Variants in DMRT1 observed in about 807,000 individuals in gnomAD.
DMRT1 encodes the protein doublesex- and mab-3-related transcription factor 1.
In DMRT1, 7 loss-of-function variants were observed where a neutral mutation model predicts 32.3. The ratio of observed to expected loss-of-function variants is 0.22; its 90% confidence interval spans 0.12 to 0.41. DMRT1 has a LOEUF of 0.41. Ranked by LOEUF, DMRT1 falls within the 10% of genes least tolerant of loss-of-function variation. DMRT1 has a pLI of 1.00. For synonymous variants in DMRT1, 278 were observed against 206.1 expected, an observed-to-expected ratio of 1.35 and a Z score of -2.99; for missense variants, 625 against 500.5, an observed-to-expected ratio of 1.25 and a Z score of -2.37.
intron 2 of DMRT1, among the ~76,000 whole-genome samples, chr9:874,067 T>A (rs904949848): frequency 6.6e-6 from 1 of 152,222 alleles, no homozygotes; most frequent in African/African-American, 2.4e-5. Context: ...ATTTAAAATG[T>A]AGTCCTTTTG....
In DMRT1 at chr9:844,457, G is replaced by A. The variant is rs184619460; in HGVS notation, c.354+2265G>A. On this transcript the variant is annotated intron_variant, in intron 1 of 4. Transcript: ENST00000382276. ...CTGTGCATTTTGGATGTGCTTCAGAGGTTTGCAGGGGTTTAAAACTTGTTT... is the reference window on the plus strand; with the variant it reads ...CTGTGCATTTTGGATGTGCTTCAGAAGTTTGCAGGGGTTTAAAACTTGTTT... 1.8e-3 allele frequency among the ~76,000 whole-genome samples: 269 copies of A among 152,214 alleles called. 3 individuals are homozygous for A. The highest frequency in any genetic ancestry group is 2.5e-3 in the Non-Finnish European group (171 of 68,012).
chr9:894,286 C>G (rs957702934), intron 3 of DMRT1, 91 bp downstream of exon 3: 1 of 1,397,088 alleles, frequency 7.2e-7, no homozygotes, highest in Non-Finnish European at 1.0e-6. Context: ...GGCACACACG[C>G]ACTTGTGCGC....
At chr9:890,442 C>T (rs192640875) in intron 2 of DMRT1, among the ~76,000 whole-genome samples, 1 of 152,180 alleles carries the variant, frequency 6.6e-6, no homozygotes, top group African/African-American at 2.4e-5. Flanking sequence ...AGGAGCCTAG[C>T]ATAGGTGGAT....
chr9:906,439 C>T (rs996331349), intron 3 of DMRT1, among the ~76,000 whole-genome samples: 1 of 152,216 alleles, frequency 6.6e-6, no homozygotes, highest in East Asian at 1.9e-4. Context: ...TTTCTTACAG[C>T]AGCTAATCCA....
rs190312738 is a variant in DMRT1, at chr9:950,200, C to T, written c.968-17785C>T. Among the ~76,000 whole-genome samples, 33 of 152,166 alleles carry T rather than the reference C, an allele frequency of 2.2e-4. 1 individual carries two copies. Among genetic ancestry groups the T allele is most frequent in the African/African-American group, 8.0e-4 (33 of 41,500 alleles). On this transcript the variant is annotated intron_variant, in intron 4 of 4. Coordinates refer to ENST00000382276, the MANE Select transcript of DMRT1 (RefSeq NM_021951.3). ...CTCAGCTCATTTTTAGAAGGCAAAC[C>T]TGCAACTCAGTTGATGCCTTAGACT...
At chr9:940,600 G>C (rs1463484864) in intron 4 of DMRT1, among the ~76,000 whole-genome samples, 1 of 152,102 alleles carries the variant, frequency 6.6e-6, no homozygotes, top group Non-Finnish European at 1.5e-5. Context: ...GAAAGTCTTA[G>C]AAGAAAACAG....
Position 931,036 on chromosome 9 carries a change from C to CCT in DMRT1, c.967+14130_967+14131dup, listed in dbSNP as rs1314888634. ...TCCCATTTCTGCCTCCCTCCCAGCC[C>CCT]CTGCCAAAATACTAGTTTACTTTCT... On this transcript the variant is annotated intron_variant, in intron 4 of 4. Coordinates refer to ENST00000382276, the MANE Select transcript of DMRT1 (RefSeq NM_021951.3). Among the ~76,000 whole-genome samples the CCT allele has an allele frequency of 4.6e-5, 7 of 152,300 alleles. No individual in the cohort carries two copies. The East Asian group carries it at 1.4e-3, about 29-fold the overall frequency.
intron 3 of DMRT1, among the ~76,000 whole-genome samples, chr9:896,729 T>C (rs12342686): frequency 0.79 from 119,451 of 151,548 alleles, 47,188 homozygotes; most frequent in African/African-American, 0.83. Context: ...AGAAGAATCG[T>C]CTGAACCCGG....
intron 2 of DMRT1, among the ~76,000 whole-genome samples, chr9:853,291 T>C (rs1815241483): frequency 6.6e-6 from 1 of 152,132 alleles, no homozygotes; most frequent in Non-Finnish European, 1.5e-5. Context: ...GGTTTGCTCT[T>C]GTTGATGTAC....
intron 4 of DMRT1, among the ~76,000 whole-genome samples, chr9:963,325 T>TA (rs1819833971): frequency 6.6e-6 from 1 of 152,236 alleles, no homozygotes; most frequent in Admixed American, 6.5e-5. Flanking sequence ...GATATGGTGT[T>TA]ACGGAAAACA....
At chr9:895,801 C>CTTTTTT (rs1187539144) in intron 3 of DMRT1, among the ~76,000 whole-genome samples, 5 of 121,982 alleles carry the variant, frequency 4.1e-5, no homozygotes, top group South Asian at 2.7e-4. Flanking sequence ...ATAACTGAAA[C>CTTTTTT]TTTTTTTTTT....
chr9:947,263 A>AT lies in DMRT1; in HGVS notation c.968-20714dup, dbSNP rs532128969. ...TAAAACATTATGAGATCGTTTTGGGATTTTTTTTAAAGCTCATCAGTTGTC... is the reference window on the plus strand; with the variant it reads ...TAAAACATTATGAGATCGTTTTGGGATTTTTTTTTAAAGCTCATCAGTTGTC... On this transcript the variant is annotated intron_variant, in intron 4 of 4. Coordinates refer to ENST00000382276, the MANE Select transcript of DMRT1 (RefSeq NM_021951.3). Among the ~76,000 whole-genome samples the AT allele has an allele frequency of 2.0e-5, 3 of 152,062 alleles. 1 individual carries two copies. Among genetic ancestry groups the AT allele is most frequent in the Admixed American group, 1.3e-4 (2 of 15,264 alleles).
intron 2 of DMRT1, among the ~76,000 whole-genome samples, chr9:885,116 C>G (rs1365421606): frequency 6.6e-6 from 1 of 152,206 alleles, no homozygotes; most frequent in Non-Finnish European, 1.5e-5. Flanking sequence ...GCTCAAGCCT[C>G]TAGGGGAGCA....
Position 841,796 on chromosome 9 carries a change from CGA to C in DMRT1, c.-37_-36del, listed in dbSNP as rs763517922. The C allele has an allele frequency of 2.5e-6, 4 of 1,575,174 alleles. No homozygotes were observed. The African/African-American group carries it at 4.0e-5, about 16-fold the overall frequency. ...TTCATCCCTCGCAGCAGTCTCCAGG[CGA>C]GAGAGGGGGCCAGAGTGCTCGCACT... On this transcript the variant is annotated 5_prime_UTR_variant, in exon 1 of 5. Coordinates refer to ENST00000382276, the MANE Select transcript of DMRT1 (RefSeq NM_021951.3).
At position 936,028 on chromosome 9, in the gene DMRT1, A is replaced by G. The variant is rs1334514830; in HGVS notation, c.967+19121A>G. On this transcript the variant is annotated intron_variant, in intron 4 of 4. Coordinates refer to ENST00000382276, the MANE Select transcript of DMRT1 (RefSeq NM_021951.3). ...TTGTAATTCTGCAACTCTGAGTAGC[A>G]GCCTGTCTCTACCCACTACCTCATA... Among the ~76,000 whole-genome samples, 4 of 152,338 alleles carry G rather than the reference A, an allele frequency of 2.6e-5. No individual in the cohort carries two copies. The East Asian group carries it at 7.7e-4, about 29-fold the overall frequency.
At chr9:933,533 G>T (rs1214381129) in intron 4 of DMRT1, among the ~76,000 whole-genome samples, 8 of 152,144 alleles carry the variant, frequency 5.3e-5, no homozygotes, top group African/African-American at 1.9e-4. Context: ...CTCCTGACCG[G>T]GTTTCTTCCT....
intron 2 of DMRT1, among the ~76,000 whole-genome samples, chr9:879,452 G>A (rs888638086): frequency 1.1e-4 from 16 of 152,138 alleles, no homozygotes; most frequent in African/African-American, 3.9e-4. Flanking sequence ...TGGCTTAATA[G>A]GATGTAGGTG....
At chr9:901,515 C>T (rs993117177) in intron 3 of DMRT1, among the ~76,000 whole-genome samples, 8 of 150,922 alleles carry the variant, frequency 5.3e-5, no homozygotes, top group African/African-American at 1.5e-4. Flanking sequence ...TTAGTAGAAA[C>T]GGGGTTTCAC....
At chr9:894,421 A>T (rs1212750168) in intron 3 of DMRT1, 4 of 594,976 alleles carry the variant, frequency 6.7e-6, no homozygotes, top group South Asian at 3.9e-5. Flanking sequence ...AATGCCCTTT[A>T]GCCTCAAAGG....
Sources: gnomAD v4.1 joint callset for allele counts (sites outside exome capture counted in the v4.1 genomes callset) on GRCh38, gnomAD v4.1.1 for gene constraint, MANE v1.5 for transcripts, NCBI Gene and HGNC (gene_info 2026-07-23, HGNC 2026-07-21) for gene names.